The following FGD2 variants were observed in gnomAD, a reference collection of about 807,000 sequenced individuals.
The protein encoded by FGD2 is FYVE, RhoGEF and PH domain-containing protein 2.
FGD2 carries 52 observed loss-of-function variants against 75.9 expected under a neutral mutation model. The ratio of observed to expected loss-of-function variants is 0.69; its 90% confidence interval spans 0.55 to 0.86. FGD2 has a LOEUF of 0.86. Ranked by LOEUF, FGD2 falls within the 40% of genes least tolerant of loss-of-function variation. The probability of loss-of-function intolerance (pLI) is 0.00; values close to 1 mark genes in which losing one functional copy is unlikely to be tolerated. For synonymous variants in FGD2, 347 were observed against 348.6 expected, an observed-to-expected ratio of 1.00 and a Z score of 0.05; for missense variants, 790 against 872.0, an observed-to-expected ratio of 0.91 and a Z score of 1.18.
At position 37,008,401 on chromosome 6, in the gene FGD2, C is replaced by T. The variant is rs576241945; in HGVS notation, c.69-433C>T. On this transcript the variant is annotated intron_variant, in intron 1 of 15. Coordinates refer to ENST00000274963, the MANE Select transcript of FGD2 (RefSeq NM_173558.4). ...TGTCGATCCCATTGAGAAGCCCCAG[C>T]TTTTGCAGGCCTGCTCTCACTTTAT... 3.8e-4 allele frequency among the ~76,000 whole-genome samples: 58 copies of T among 152,294 alleles called. 1 individual carries two copies. In the South Asian group the frequency reaches 0.012, roughly 30 times the overall value.
In FGD2 at chr6:37,028,559, C is replaced by A. The variant is rs913298389; in HGVS notation, c.*396C>A. 1.2e-5 allele frequency: 2 copies of A among 166,862 alleles called. No homozygotes were observed. Among genetic ancestry groups the A allele is most frequent in the African/African-American group, 4.8e-5 (2 of 41,452 alleles). 10.3% of individuals were successfully genotyped at this position (166,862 alleles called of 1,614,324 possible). On this transcript the variant is annotated 3_prime_UTR_variant, in exon 16 of 16. Transcript: ENST00000274963. ...ATTTTAAAAATGTAAAAAACAATGCCTGTACTGAAGTACCACCACCGATTT... is the reference window on the plus strand; with the variant it reads ...ATTTTAAAAATGTAAAAAACAATGCATGTACTGAAGTACCACCACCGATTT...
intron 4 of FGD2, among the ~76,000 whole-genome samples, chr6:37,012,565 A>G (rs1765062863): frequency 6.6e-6 from 1 of 151,986 alleles, no homozygotes; most frequent in Non-Finnish European, 1.5e-5. Flanking sequence ...TACAAAACTT[A>G]GCCGGGCATG....
chr6:37,021,463 C>T (rs1411239921), intron 11 of FGD2, 49 bp from the exon 12 acceptor site: 2 of 1,514,020 alleles, frequency 1.3e-6, no homozygotes, highest in South Asian at 1.2e-5. Flanking sequence ...AGGAGCAATC[C>T]CTCCCTTCCA....
chr6:37,021,167 T>C (rs764947543), intron 11 of FGD2, among the ~76,000 whole-genome samples: 1 of 152,112 alleles, frequency 6.6e-6, no homozygotes, highest in East Asian at 1.9e-4. Context: ...TGTGTGTGTG[T>C]GCATGCTCCC....
intron 1 of FGD2, 95 bp downstream of exon 1, chr6:37,005,980 C>G: frequency 7.1e-7 from 1 of 1,404,718 alleles, no homozygotes; most frequent in Non-Finnish European, 9.9e-7. Flanking sequence ...GCCCCGGACC[C>G]TCCTCCTGCA....
At chr6:37,021,908 C>T (rs983475524) in intron 12 of FGD2, 1 of 481,572 alleles carries the variant, frequency 2.1e-6, no homozygotes, top group African/African-American at 1.9e-5. Flanking sequence ...AATACAAAGT[C>T]TCAGGGAAGA....
intron 9 of FGD2, among the ~76,000 whole-genome samples, chr6:37,018,374 T>C (rs1333783373): frequency 2.0e-5 from 3 of 152,166 alleles, no homozygotes; most frequent in Non-Finnish European, 4.4e-5. Context: ...GCTTGGCAAG[T>C]GCAGAGCTGT....
rs1276550278 is a variant in FGD2 at position 37,025,067 on chromosome 6, A to G, written c.1459-725A>G. ...CTCGCAGTCACACCTTGCGGCACCCAGTGTTCCTCTCTGAGTCTTCCCAGG... is the reference window on the plus strand; with the variant it reads ...CTCGCAGTCACACCTTGCGGCACCCGGTGTTCCTCTCTGAGTCTTCCCAGG... On this transcript the variant is annotated intron_variant, in intron 13 of 15. Transcript: ENST00000274963. 2.6e-5 allele frequency: 4 copies of G among 152,288 alleles called. No individual in the cohort carries two copies. In the East Asian group the frequency reaches 7.7e-4, roughly 29 times the overall value. The allele number at this position is 152,288 out of a possible 1,614,324, so 9.4% of individuals were successfully genotyped here. A position where few individuals can be genotyped will look rare whatever the true frequency, so the allele number is the denominator to read the frequency against.
chr6:37,026,238 C>T lies in FGD2; in HGVS notation c.1605+300C>T, dbSNP rs936714796. 5.1e-6 allele frequency: 5 copies of T among 985,336 alleles called. No individual in the cohort carries two copies. In the African/African-American group the frequency reaches 7.0e-5, roughly 14 times the overall value. 61.0% of individuals were successfully genotyped at this position (985,336 alleles called of 1,614,324 possible). On this transcript the variant is annotated intron_variant, in intron 14 of 15. Transcript: ENST00000274963. The stretch of plus-strand genomic sequence containing the variant: ...GGCCCCTCTGGACAGCTCATGTTCA[C>T]GTCCCCATGTCCTGCCCCGACAGTC...
At chr6:37,006,357 A>G (rs1010534259) in intron 1 of FGD2, among the ~76,000 whole-genome samples, 1 of 152,172 alleles carries the variant, frequency 6.6e-6, no homozygotes, top group Admixed American at 6.5e-5. Context: ...ACCAGGATGT[A>G]CGGGCAGCAT....
At chr6:37,025,621 GCCTC>G in intron 13 of FGD2, 167 bp from the exon 14 acceptor site, 1 of 670,646 alleles carries the variant, frequency 1.5e-6, no homozygotes, top group Non-Finnish European at 2.5e-6. Flanking sequence ...AGGCAGTTGG[GCCTC>G]ACCAGCATGG....
rs762286725 is a variant in FGD2 at position 37,027,450 on chromosome 6, G to A, written c.1627G>A (p.Asp543Asn). The A allele has an allele frequency of 5.0e-6, 8 of 1,612,422 alleles. No homozygotes were observed. The African/African-American group carries it at 1.1e-4, about 22-fold the overall frequency. The change falls in exon 15 of 16, where the codon GAC (aspartate) becomes AAC (asparagine). Residue 543 changes from aspartate (D) to asparagine (N), a missense_variant. Coordinates refer to ENST00000274963, the MANE Select transcript of FGD2 (RefSeq NM_173558.4). ...ILEKGSSATP[D>N]QSLMCSFLQL... The stretch of plus-strand genomic sequence containing the variant: ...TTAGAAAGGGTCCTCAGCCACGCCT[G>A]ACCAGAGCCTGATGTGCAGCTTCCT...
chr6:37,014,867 C>T (rs1765201260), intron 7 of FGD2, 25 bp from the exon 8 acceptor site: 2 of 1,611,646 alleles, frequency 1.2e-6, no homozygotes, highest in Admixed American at 1.7e-5. Context: ...CCAGACTTGG[C>T]TGAGGATGCA....
intron 9 of FGD2, among the ~76,000 whole-genome samples, chr6:37,017,284 GGCTGCAGTGAATA>G (rs1454603162): frequency 3.3e-5 from 5 of 152,294 alleles, no homozygotes; most frequent in African/African-American, 1.2e-4. Flanking sequence ...CTGCAAATGA[GGCTGCAGTGAATA>G]GCCTGGTACA....
At chr6:37,026,247 GT>G (rs892530435) in intron 14 of FGD2, 2 of 985,314 alleles carry the variant, frequency 2.0e-6, no homozygotes, top group Admixed American at 6.1e-5. Flanking sequence ...ACGTCCCCAT[GT>G]CCTGCCCCGA....
At chr6:37,018,512 G>T (rs1765412636) in intron 9 of FGD2, among the ~76,000 whole-genome samples, 1 of 152,194 alleles carries the variant, frequency 6.6e-6, no homozygotes. Context: ...CTAGGTGTCA[G>T]GGAGGCCTAG....
chr6:37,014,825 A>G, intron 7 of FGD2, 67 bp from the exon 8 acceptor site: 2 of 1,609,792 alleles, frequency 1.2e-6, no homozygotes, highest in South Asian at 1.1e-5. Context: ...CGTCCCCACA[A>G]GGCAAGCCTT....
At chr6:37,009,096 T>C in intron 2 of FGD2, 31 bp downstream of exon 2, 1 of 1,599,130 alleles carries the variant, frequency 6.3e-7, no homozygotes, top group Non-Finnish European at 8.5e-7. Flanking sequence ...AGGTGTGGGG[T>C]GCTGGGGTGG....
rs1765341284 is a variant in FGD2, at chr6:37,017,192, C to A, written c.1122+1332C>A. Among the ~76,000 whole-genome samples, 3 of 152,176 alleles carry A rather than the reference C, an allele frequency of 2.0e-5. No homozygotes were observed. The South Asian group carries it at 6.2e-4, about 31-fold the overall frequency. On this transcript the variant is annotated intron_variant, in intron 9 of 15. Coordinates refer to ENST00000274963, the MANE Select transcript of FGD2 (RefSeq NM_173558.4). The stretch of plus-strand genomic sequence containing the variant: ...CTCATCCTCCTGCCCAGCTGCATTG[C>A]GTCCCACTGTGCAGATGCACCGGAA...
Sources: gnomAD v4.1 joint callset for allele counts (sites outside exome capture counted in the v4.1 genomes callset) on GRCh38, gnomAD v4.1.1 for gene constraint, MANE v1.5 for transcripts, NCBI Gene and HGNC (gene_info 2026-07-23, HGNC 2026-07-21) for gene names.